KREMEN1: variants seen among roughly 807,000 people sequenced by gnomAD.
The protein encoded by KREMEN1 is kremen protein 1.
KREMEN1 carries 30 observed loss-of-function variants against 46.5 expected under a neutral mutation model. The observed-to-expected ratio is 0.65, with a 90% CI of 0.48 to 0.88. KREMEN1 has a LOEUF of 0.88. KREMEN1 is among the 40% of genes least tolerant of loss of function. The pLI, the probability that KREMEN1 is intolerant of heterozygous loss-of-function variation, is 0.00. For missense variants in KREMEN1, 533 were observed against 596.9 expected, an observed-to-expected ratio of 0.89 and a Z score of 1.11; for synonymous variants, 214 against 230.6, an observed-to-expected ratio of 0.93 and a Z score of 0.65.
intron 3 of KREMEN1, among the ~76,000 whole-genome samples, chr22:29,106,601 G>C (rs1039320157): frequency 1.3e-5 from 2 of 152,102 alleles, no homozygotes; most frequent in Non-Finnish European, 2.9e-5. Flanking sequence ...TAAGTGATTT[G>C]ATGAGGATTA....
chr22:29,091,739 C>G (rs1159989875), intron 1 of KREMEN1, among the ~76,000 whole-genome samples: 3 of 152,118 alleles, frequency 2.0e-5, no homozygotes, highest in East Asian at 1.9e-4. Flanking sequence ...CATTGTCTCT[C>G]TCTCTCTCTT....
Position 29,137,651 on chromosome 22 carries a change from A to G in KREMEN1, c.941A>G (p.Gln314Arg). The G allele has an allele frequency of 6.3e-7, 1 of 1,597,348 alleles. No individual in the cohort carries two copies. The highest frequency in any genetic ancestry group is 8.6e-7 in the Non-Finnish European group (1 of 1,165,992). Residue 314 changes from glutamine (Q) to arginine (R), a missense_variant, in exon 6 of 9, where the codon CAG becomes CGG. By Grantham distance (43) the Gln-to-Arg change is conservative. Coordinates refer to ENST00000400335, the MANE Select transcript of KREMEN1 (RefSeq NM_001039570.3). The stretch of plus-strand genomic sequence containing the variant: ...TTCTCTGATCGCATCAATCAGGCCC[A>G]GGGATTTGCTGTTTTATACCAAGGT... ...YFFSDRINQAQGFAVLYQAVK... is the reference protein window; with the variant it reads ...YFFSDRINQARGFAVLYQAVK...
chr22:29,074,196 C>A (rs553098720), intron 1 of KREMEN1, among the ~76,000 whole-genome samples: 1 of 152,252 alleles, frequency 6.6e-6, no homozygotes, highest in Non-Finnish European at 1.5e-5. Flanking sequence ...GGTCCTGGGA[C>A]GACCTTGTAC....
downstream of KREMEN1, among the ~76,000 whole-genome samples, chr22:29,149,600 C>T (rs1053217629): frequency 5.3e-5 from 8 of 152,066 alleles, no homozygotes; most frequent in African/African-American, 1.2e-4. Flanking sequence ...ACAAACAGGG[C>T]GGCCTTGCTG....
intron 1 of KREMEN1, among the ~76,000 whole-genome samples, chr22:29,091,011 T>G (rs1421598841): frequency 6.6e-6 from 1 of 152,220 alleles, no homozygotes; most frequent in Non-Finnish European, 1.5e-5. Flanking sequence ...TTCACTCTTG[T>G]TGCCCCAGCT....
chr22:29,165,406 A>C lies in KREMEN1; in HGVS notation c.1417-1638A>C, dbSNP rs894805065. Among the ~76,000 whole-genome samples, 283 of 152,224 alleles carry C rather than the reference A, an allele frequency of 1.9e-3. 1 individual carries two copies. The highest frequency in any genetic ancestry group is 6.4e-3 in the African/African-American group (266 of 41,530). On this transcript the variant is annotated intron_variant, in intron 9 of 9. Coordinates refer to the KREMEN1 transcript ENST00000327813. Reference sequence around the variant, plus strand: ...GACAGAGCAAGAGCCTGTCACAAAAAAAAAAAAAAGTAGTTCAGAAATCAT... The same window carrying C: ...GACAGAGCAAGAGCCTGTCACAAAACAAAAAAAAAGTAGTTCAGAAATCAT...
chr22:29,073,286 A>G lies in KREMEN1; in HGVS notation c.97+59A>G. On this transcript the variant is annotated intron_variant, in intron 1 of 8. Coordinates refer to ENST00000400335, the MANE Select transcript of KREMEN1 (RefSeq NM_001039570.3). The surrounding 1 kb of genome is among the most constrained non-coding windows in gnomAD (Gnocchi z 4.4). Reference sequence around the variant, plus strand: ...AGCGGAGCCCACTCGAGGGGCGACAAGGGCCGGCCGGCCTGAGAGCCCCCT... The same window carrying G: ...AGCGGAGCCCACTCGAGGGGCGACAGGGGCCGGCCGGCCTGAGAGCCCCCT... The G allele has an allele frequency of 3.9e-6, 3 of 771,642 alleles. No individual in the cohort carries two copies. The highest frequency in any genetic ancestry group is 9.1e-5 in the East Asian group (2 of 22,032). 47.8% of individuals were successfully genotyped at this position (771,642 alleles called of 1,614,324 possible).
Position 29,144,985 on chromosome 22 carries a change from G to A in KREMEN1, c.*2873G>A, listed in dbSNP as rs981831451. On this transcript the variant is annotated 3_prime_UTR_variant, in exon 9 of 9. Transcript: ENST00000400335. ...AACTTACGATCCGTGGAGCAGCCCC[G>A]GGAAACCCAAATCTGGCTCAGGACA... The A allele has an allele frequency of 1.9e-5, 19 of 985,394 alleles. No individual in the cohort carries two copies. Among genetic ancestry groups the A allele is most frequent in the East Asian group, 1.1e-4 (1 of 8,822 alleles). 61.0% of individuals were successfully genotyped at this position (985,394 alleles called of 1,614,324 possible).
rs182464946 is a variant in KREMEN1, at chr22:29,125,498, T to G, written c.631+82T>G. 7.0e-4 allele frequency: 875 copies of G among 1,249,052 alleles called. 7 individuals carry two copies. In the African/African-American group the frequency reaches 0.019, roughly 27 times the overall value. 77.4% of individuals were successfully genotyped at this position (1,249,052 alleles called of 1,614,324 possible). A position where few individuals can be genotyped will look rare whatever the true frequency, so the allele number is the denominator to read the frequency against. Reference sequence around the variant, plus strand: ...AACAAGCCTGCCCACCCTCCCTCCCTTCTATGTATTCATTCATTCACTTGG... The same window carrying G: ...AACAAGCCTGCCCACCCTCCCTCCCGTCTATGTATTCATTCATTCACTTGG... On this transcript the variant is annotated intron_variant, in intron 5 of 8. Coordinates refer to ENST00000400335, the MANE Select transcript of KREMEN1 (RefSeq NM_001039570.3).
intron 9 of KREMEN1, among the ~76,000 whole-genome samples, chr22:29,164,777 A>G (rs2039040001): frequency 6.6e-6 from 1 of 150,566 alleles, no homozygotes; most frequent in South Asian, 2.1e-4. Context: ...AACCCAAAAC[A>G]AGGAACTATG....
intron 1 of KREMEN1, among the ~76,000 whole-genome samples, chr22:29,086,588 A>C (rs1206005160): frequency 1.3e-5 from 2 of 152,152 alleles, no homozygotes; most frequent in Non-Finnish European, 2.9e-5. Flanking sequence ...GTTTCACATA[A>C]CTGAAATCAG....
At chr22:29,090,417 A>G (rs978833573) in intron 1 of KREMEN1, among the ~76,000 whole-genome samples, 21 of 152,204 alleles carry the variant, frequency 1.4e-4, no homozygotes, top group African/African-American at 5.1e-4. Context: ...CAGCAGGAAG[A>G]TAACTGTTGG....
In KREMEN1 at chr22:29,144,564, G is replaced by T; in HGVS notation, c.*2452G>T. 1.0e-6 allele frequency: 1 copy of T among 985,556 alleles called. No homozygotes were observed. Among genetic ancestry groups the T allele is most frequent in the Non-Finnish European group, 1.2e-6 (1 of 829,994 alleles). The allele number at this position is 985,556 out of a possible 1,614,324, so 61.1% of individuals were successfully genotyped here. ...GACCGCTGGAAACATACCAACACGT[G>T]CAGTCTCCCCTCCAAGCTATTCATG... On this transcript the variant is annotated 3_prime_UTR_variant, in exon 9 of 9. Coordinates refer to ENST00000400335, the MANE Select transcript of KREMEN1 (RefSeq NM_001039570.3).
Position 29,144,560 on chromosome 22 carries a change from A to T in KREMEN1, c.*2448A>T. ...GGAGGACCGCTGGAAACATACCAAC[A>T]CGTGCAGTCTCCCCTCCAAGCTATT... is the stretch of plus-strand genomic sequence containing the variant. On this transcript the variant is annotated 3_prime_UTR_variant, in exon 9 of 9. Transcript: ENST00000400335. 1.0e-6 allele frequency: 1 copy of T among 985,452 alleles called. No individual in the cohort carries two copies. The highest frequency in any genetic ancestry group is 1.2e-6 in the Non-Finnish European group (1 of 829,966). The allele number at this position is 985,452 out of a possible 1,614,324, so 61.0% of individuals were successfully genotyped here.
At chr22:29,105,214 T>A (rs1310216149) in intron 3 of KREMEN1, among the ~76,000 whole-genome samples, 1 of 151,840 alleles carries the variant, frequency 6.6e-6, no homozygotes, top group Non-Finnish European at 1.5e-5. Context: ...AAGAGTGGGG[T>A]CTTGTTTAGG....
intron 3 of KREMEN1, among the ~76,000 whole-genome samples, chr22:29,119,954 G>C (rs2038304558): frequency 6.6e-6 from 1 of 152,226 alleles, no homozygotes; most frequent in Admixed American, 6.5e-5. Context: ...AGAGAGGCAG[G>C]AGGATCTGAG....
chr22:29,154,987 A>G (rs2038948194), intron 9 of KREMEN1, among the ~76,000 whole-genome samples: 1 of 152,106 alleles, frequency 6.6e-6, no homozygotes, highest in Non-Finnish European at 1.5e-5. Flanking sequence ...CACCATTGAA[A>G]TTAATGTGGT....
At chr22:29,123,675 A>G (rs1478944385) in intron 4 of KREMEN1, among the ~76,000 whole-genome samples, 2 of 152,202 alleles carry the variant, frequency 1.3e-5, no homozygotes, top group Non-Finnish European at 2.9e-5. Flanking sequence ...CTGTAGTCCC[A>G]GTTACTCGGG....
In KREMEN1 at chr22:29,123,442, C is replaced by A. The variant is rs548237586; in HGVS notation, c.478-1821C>A. Among the ~76,000 whole-genome samples the A allele has an allele frequency of 1.1e-4, 17 of 151,128 alleles. No individual in the cohort carries two copies. The East Asian group carries it at 1.4e-3, about 12-fold the overall frequency. On this transcript the variant is annotated intron_variant, in intron 4 of 8. Coordinates refer to ENST00000400335, the MANE Select transcript of KREMEN1 (RefSeq NM_001039570.3). ...ACCTGAACAGAAGATATACAGATGG[C>A]AAATAAGCATATGAAAAGAAGCCAA... is the stretch of plus-strand genomic sequence containing the variant.
Sources: gnomAD v4.1 joint callset for allele counts (sites outside exome capture counted in the v4.1 genomes callset) on GRCh38, gnomAD v4.1.1 for gene constraint, Gnocchi (gnomAD v3.1) non-coding constraint, MANE v1.5 for transcripts, NCBI Gene and HGNC (gene_info 2026-07-23, HGNC 2026-07-21) for gene names.